The following FAT4 variants were observed in gnomAD, a reference collection of about 807,000 sequenced individuals.
The protein encoded by FAT4 is protocadherin Fat 4.
FAT4 carries 84 observed loss-of-function variants against 303.9 expected under a neutral mutation model. The ratio of observed to expected loss-of-function variants is 0.28; its 90% CI spans 0.23 to 0.33. The LOEUF (loss-of-function observed/expected upper bound fraction) is 0.33. Ranked by LOEUF, FAT4 falls within the 10% of genes least tolerant of loss-of-function variation. FAT4 has a pLI of 1.00. For synonymous variants in FAT4, 2,307 were observed against 2,298.8 expected (o/e 1.00, Z -0.10); for missense variants, 6,005 against 6,146.8 (o/e 0.98, Z 0.77).
At chr4:125,481,144 C>T (rs1225742627) in intron 15 of FAT4, among the ~76,000 whole-genome samples, 4 of 152,028 alleles carry the variant, frequency 2.6e-5, no homozygotes, top group Admixed American at 1.3e-4. Context: ...TCATTTTAAC[C>T]ATGCAAACGT....
At position 125,321,177 on chromosome 4, in the gene FAT4, C is replaced by T. The variant is rs771708812; in HGVS notation, c.4766C>T (p.Ala1589Val). Reference protein sequence around the residue: ...RYSGDLRVASALVPSQLIYNL... With the variant: ...RYSGDLRVASVLVPSQLIYNL... ...AGTGGAGACCTGAGAGTGGCTTCAG[C>T]GTTGGTGCCTTCACAGTTGATCTAC... Residue 1589 changes from alanine (A) to valine (V), a missense_variant, in exon 2 of 18, where the codon GCG becomes GTG. Physicochemically the swap from Ala to Val is moderately conservative, Grantham distance 64. Coordinates refer to ENST00000394329, the MANE Select transcript of FAT4 (RefSeq NM_001291303.3). 25 of 1,613,968 alleles carry T rather than the reference C, an allele frequency of 1.5e-5. No individual in the cohort carries two copies. Among genetic ancestry groups the T allele is most frequent in the South Asian group, 3.3e-5 (3 of 91,084 alleles).
chr4:125,358,872 A>G (rs1011875885), intron 2 of FAT4, among the ~76,000 whole-genome samples: 1 of 152,172 alleles, frequency 6.6e-6, no homozygotes, highest in Non-Finnish European at 1.5e-5. Context: ...AAAGACAGCT[A>G]GAAGTGGAAA....
In FAT4 at chr4:125,317,525, C is replaced by G; in HGVS notation, c.1114C>G (p.Gln372Glu). 1.2e-6 allele frequency: 2 copies of G among 1,613,898 alleles called. No homozygotes were observed. The highest frequency in any genetic ancestry group is 8.5e-7 in the Non-Finnish European group (1 of 1,180,018). Reference sequence around the variant, plus strand: ...CTACGCCTCGGTAGATGAGAATGCTCAAGTGGGCACCGTGGTGGCTCTGCT... The same window carrying G: ...CTACGCCTCGGTAGATGAGAATGCTGAAGTGGGCACCGTGGTGGCTCTGCT... ...SRYASVDENA[Q>E]VGTVVALLTV... Residue 372 changes from glutamine to glutamate, a missense_variant, in exon 2 of 18, where the codon CAA (glutamine) becomes GAA (glutamate). Gln to Glu is a conservative substitution (Grantham distance 29). Transcript: ENST00000394329. The surrounding 1 kb of genome is among the most constrained non-coding windows in gnomAD (Gnocchi z 7.0).
chr4:125,378,654 T>G (rs1243977583), intron 2 of FAT4, among the ~76,000 whole-genome samples: 1 of 152,152 alleles, frequency 6.6e-6, no homozygotes, highest in South Asian at 2.1e-4. Flanking sequence ...TTGTTGTCAT[T>G]CCTACTCATC....
chr4:125,377,991 G>A (rs571405442), intron 2 of FAT4, among the ~76,000 whole-genome samples: 45 of 152,132 alleles, frequency 3.0e-4, no homozygotes, highest in African/African-American at 9.9e-4. Flanking sequence ...CGTATGCCCA[G>A]GGTTGTATTG....
At chr4:125,376,739 A>C (rs887468658) in intron 2 of FAT4, among the ~76,000 whole-genome samples, 7 of 152,092 alleles carry the variant, frequency 4.6e-5, no homozygotes, top group Non-Finnish European at 8.8e-5. Context: ...GTCTCTACTA[A>C]AAATACAAAA....
At chr4:125,458,309 A>G (rs1365241090) in intron 10 of FAT4, among the ~76,000 whole-genome samples, 4 of 151,958 alleles carry the variant, frequency 2.6e-5, no homozygotes, top group African/African-American at 4.8e-5. Flanking sequence ...ATACCAACTT[A>G]TATACAGAAT....
intron 10 of FAT4, among the ~76,000 whole-genome samples, chr4:125,460,147 T>G (rs1726432775): frequency 1.3e-5 from 2 of 152,144 alleles, no homozygotes; most frequent in Middle Eastern, 3.4e-3. Flanking sequence ...TGTAAAAAAT[T>G]TTTACTCTTT....
At position 125,315,949 on chromosome 4, in the gene FAT4, T is replaced by C. The variant is rs1267274538; in HGVS notation, c.-41T>C. On this transcript the variant is annotated 5_prime_UTR_variant, in exon 1 of 18. Coordinates refer to ENST00000394329, the MANE Select transcript of FAT4 (RefSeq NM_001291303.3). ...GTGCGCAGTTGTGCTTGGACGTTTG[T>C]TCCTCCCTCTTCACGTTCTTCGCTG... Among the ~76,000 whole-genome samples, 1 of 152,182 alleles carries C rather than the reference T, an allele frequency of 6.6e-6. No homozygotes were observed. Among genetic ancestry groups the C allele is most frequent in the East Asian group, 1.9e-4 (1 of 5,176 alleles).
chr4:125,452,351 G>GT lies in FAT4; in HGVS notation c.11342dup (p.Ala3782SerfsTer5). Reference sequence around the variant, plus strand: ...TAATCAGTATGTGAATCCCAGTGGCGTAGCCACCTTCTTTGAAAGCATCAA... The same window carrying GT: ...TAATCAGTATGTGAATCCCAGTGGCGTTAGCCACCTTCTTTGAAAGCATCAA... On this transcript the variant is annotated frameshift_variant, in exon 10 of 18. Transcript: ENST00000394329. LOFTEE classifies it high-confidence loss of function. 2 of 1,614,184 alleles carry GT rather than the reference G, an allele frequency of 1.2e-6. No individual in the cohort carries two copies. Among genetic ancestry groups the GT allele is most frequent in the Non-Finnish European group, 1.7e-6 (2 of 1,180,038 alleles).
chr4:125,441,515 T>A (rs977386869), intron 8 of FAT4, among the ~76,000 whole-genome samples: 2 of 152,196 alleles, frequency 1.3e-5, no homozygotes, highest in African/African-American at 4.8e-5. Context: ...ACAATGGAAA[T>A]GTTTTAAGCA....
At chr4:125,364,949 A>G (rs1169137000) in intron 2 of FAT4, among the ~76,000 whole-genome samples, 1 of 152,136 alleles carries the variant, frequency 6.6e-6, no homozygotes, top group Admixed American at 6.6e-5. Flanking sequence ...GGCATTGCGG[A>G]TTTAGAAATT....
At chr4:125,434,645 T>A (rs1725394176) in intron 8 of FAT4, among the ~76,000 whole-genome samples, 1 of 152,228 alleles carries the variant, frequency 6.6e-6, no homozygotes, top group Non-Finnish European at 1.5e-5. Context: ...TTTATTTATA[T>A]TTTTATCATA....
At chr4:125,485,217 A>T (rs1727365855) in intron 16 of FAT4, among the ~76,000 whole-genome samples, 1 of 152,122 alleles carries the variant, frequency 6.6e-6, no homozygotes, top group Non-Finnish European at 1.5e-5. Flanking sequence ...CATTAAATTT[A>T]TCAAAAATAT....
At chr4:125,440,981 T>C (rs1354005945) in intron 8 of FAT4, among the ~76,000 whole-genome samples, 1 of 152,192 alleles carries the variant, frequency 6.6e-6, no homozygotes, top group Non-Finnish European at 1.5e-5. Context: ...TTCTTTTCAG[T>C]GCATCCCTTC....
intron 8 of FAT4, 119 bp downstream of exon 8, chr4:125,434,544 TTA>T: frequency 1.2e-6 from 1 of 803,712 alleles, no homozygotes; most frequent in Non-Finnish European, 2.0e-6. Flanking sequence ...CCTCTTCTTG[TTA>T]TCCATTGCTG....
At chr4:125,430,371 G>A (rs920708058) in intron 7 of FAT4, among the ~76,000 whole-genome samples, 3 of 152,094 alleles carry the variant, frequency 2.0e-5, no homozygotes, top group East Asian at 1.9e-4. Context: ...ATTTTTCTGT[G>A]TAAAGCTGAT....
chr4:125,360,487 C>A (rs967466706), intron 2 of FAT4, among the ~76,000 whole-genome samples: 1 of 152,088 alleles, frequency 6.6e-6, no homozygotes, highest in East Asian at 1.9e-4. Context: ...ATTGCTCCCT[C>A]GGTAGAGTCC....
At chr4:125,425,739 G>C (rs182291145) in intron 7 of FAT4, among the ~76,000 whole-genome samples, 2 of 151,972 alleles carry the variant, frequency 1.3e-5, no homozygotes, top group African/African-American at 4.8e-5. Flanking sequence ...ATTAATCTGC[G>C]CACAAATTAA....
Sources: allele counts gnomAD v4.1 joint callset (sites outside exome capture counted in the v4.1 genomes callset), GRCh38; gene constraint gnomAD v4.1.1; non-coding constraint Gnocchi (gnomAD v3.1); transcripts MANE v1.5; gene names NCBI Gene and HGNC (gene_info 2026-07-23, HGNC 2026-07-21).